The following HOMER2 variants were observed in gnomAD, a reference collection of about 807,000 sequenced individuals.
HOMER2 encodes the protein homer protein homolog 2.
HOMER2 carries 27 observed loss-of-function variants against 47.0 expected under a neutral mutation model. The ratio of observed to expected loss-of-function variants is 0.57; its 90% CI spans 0.42 to 0.79. The LOEUF is 0.79. Among genes scored for constraint, HOMER2 ranks in the 30% least tolerant of loss-of-function variants. The pLI is 0.00. For missense variants in HOMER2, 443 were observed against 435.0 expected (o/e 1.02, Z -0.16); for synonymous variants, 161 against 163.8 (o/e 0.98, Z 0.13).
chr15:82,854,881 C>A, intron 5 of HOMER2, 81 bp from the exon 6 acceptor site: 1 of 1,512,850 alleles, frequency 6.6e-7, no homozygotes, highest in Non-Finnish European at 9.0e-7. Flanking sequence ...GGGACTCCGC[C>A]ATCCCTCAGC....
At chr15:82,943,451 A>C (rs1392196294) in intron 1 of HOMER2, among the ~76,000 whole-genome samples, 1 of 152,160 alleles carries the variant, frequency 6.6e-6, no homozygotes, top group Middle Eastern at 3.2e-3. Context: ...TGCCACCTCC[A>C]CTGGGAGCTC....
chr15:82,882,637 C>T (rs1260073620), intron 2 of HOMER2, among the ~76,000 whole-genome samples: 1 of 152,212 alleles, frequency 6.6e-6, no homozygotes, highest in Non-Finnish European at 1.5e-5. Context: ...ATGAGTAGCA[C>T]CAACTGCTTC....
chr15:82,863,298 A>G (rs950318623), intron 4 of HOMER2, among the ~76,000 whole-genome samples: 4 of 152,112 alleles, frequency 2.6e-5, no homozygotes, highest in African/African-American at 4.8e-5. Flanking sequence ...AAGCAAGCCA[A>G]CCCTCTCAGG....
chr15:82,849,778 G>A lies in HOMER2; in HGVS notation c.969C>T (p.Asp323=), dbSNP rs758410534. The A allele has an allele frequency of 5.3e-5, 85 of 1,613,826 alleles. No homozygotes were observed. Among genetic ancestry groups the A allele is most frequent in the Middle Eastern group, 4.9e-4 (3 of 6,084 alleles). ...AGTCATGCAGGTCGTCAATCTTCCC[G>A]TCCAGCACCTCCAGGAAGCTCTTCA... The part of the protein sequence containing the change: ...VELKSFLEVL[D]GKIDDLHDFR... The change falls in exon 9 of 9, where the codon GAC becomes GAT. Residue 323 remains aspartate (D), a synonymous_variant. Coordinates refer to ENST00000450735, the MANE Select transcript of HOMER2 (RefSeq NM_004839.4).
At chr15:82,930,148 G>A (rs1274843344) in intron 1 of HOMER2, among the ~76,000 whole-genome samples, 2 of 152,182 alleles carry the variant, frequency 1.3e-5, no homozygotes, top group African/African-American at 4.8e-5. Flanking sequence ...GACCCTCTGG[G>A]TGACTTCCCT....
chr15:82,960,734 G>A (rs1229936857), intron 1 of HOMER2, among the ~76,000 whole-genome samples: 1 of 152,070 alleles, frequency 6.6e-6, no homozygotes, highest in East Asian at 1.9e-4. Context: ...AGCTTATCAG[G>A]CACCCGGCTC....
intron 1 of HOMER2, among the ~76,000 whole-genome samples, chr15:82,979,294 G>C (rs144819136): frequency 4.4e-4 from 67 of 152,288 alleles, no homozygotes; most frequent in African/African-American, 1.5e-3. Flanking sequence ...AGACAGAGTT[G>C]AATCTCGATC....
chr15:82,981,834 C>T (rs187064676), intron 1 of HOMER2, among the ~76,000 whole-genome samples: 28 of 152,054 alleles, frequency 1.8e-4, no homozygotes, highest in Non-Finnish European at 3.4e-4. Flanking sequence ...ATGGTGGTTG[C>T]TAGGGGCAGA....
chr15:82,955,262 T>C (rs982417146), upstream of HOMER2, among the ~76,000 whole-genome samples: 3 of 149,738 alleles, frequency 2.0e-5, no homozygotes, highest in Non-Finnish European at 4.5e-5. Flanking sequence ...TTCTGCCTCC[T>C]GGGTTCATGC....
intron 8 of HOMER2, 136 bp downstream of exon 8, chr15:82,851,015 C>T (rs2051373826): frequency 1.5e-6 from 1 of 675,894 alleles, no homozygotes; most frequent in East Asian, 2.7e-5. Context: ...CGTGCAGTCA[C>T]TGCCAGCTTT....
chr15:82,939,619 G>A (rs1357492717), intron 1 of HOMER2, among the ~76,000 whole-genome samples: 1 of 152,098 alleles, frequency 6.6e-6, no homozygotes, highest in South Asian at 2.1e-4. Flanking sequence ...TCAGTGAGCC[G>A]AGACTGCACC....
intron 1 of HOMER2, among the ~76,000 whole-genome samples, chr15:82,962,169 G>C (rs1012816470): frequency 4.7e-5 from 7 of 150,268 alleles, no homozygotes; most frequent in Non-Finnish European, 8.9e-5. Flanking sequence ...AGGAGATCGA[G>C]ACCATCCTGG....
At position 82,974,348 on chromosome 15, in the gene HOMER2, G is replaced by A. The variant is rs375693859; in HGVS notation, n.82+11439C>T. On this transcript the variant is annotated intron_variant and non_coding_transcript_variant, in intron 1 of 1. Coordinates refer to the HOMER2 transcript ENST00000500334. ...GAACCCGGGAGGTGGAGGTTGCAGT[G>A]AGCCGAGATCGCGCCATTGCACTCC... Among the ~76,000 whole-genome samples the A allele has an allele frequency of 4.6e-5, 7 of 151,510 alleles. No homozygotes were observed. In the East Asian group the frequency reaches 5.8e-4, roughly 13 times the overall value.
rs1235713327 is a variant in HOMER2, at chr15:82,888,867, G to A, written c.162+3818C>T. The stretch of plus-strand genomic sequence containing the variant: ...AATCACCGTCTTCTGCGTCGCTCAC[G>A]CTGGGAGCTGTAGACCGGAGCTGTT... On this transcript the variant is annotated intron_variant, in intron 2 of 8. Transcript: ENST00000450735. 1.4e-5 allele frequency among the ~76,000 whole-genome samples: 2 copies of A among 141,126 alleles called. 1 individual carries two copies. Among genetic ancestry groups the A allele is most frequent in the Non-Finnish European group, 3.1e-5 (2 of 65,202 alleles). 92.6% of individuals were successfully genotyped at this position (141,126 alleles called of 152,430 possible). A position where few individuals can be genotyped will look rare whatever the true frequency, so the allele number is the denominator to read the frequency against.
Position 82,854,666 on chromosome 15 carries a change from T to C in HOMER2, c.629A>G (p.Glu210Gly). 4.3e-6 allele frequency: 7 copies of C among 1,612,856 alleles called. No individual in the cohort carries two copies. Among genetic ancestry groups the C allele is most frequent in the Non-Finnish European group, 4.2e-6 (5 of 1,179,718 alleles). ...CACCTTGTTGCGGAGCCGGTCATTC[T>C]CATCACGGCAGATGGAGAACTGCCT... ...WKRQFSICRDENDRLRNKIDE... is the reference protein window; with the variant it reads ...WKRQFSICRDGNDRLRNKIDE... The change falls in exon 6 of 9, where the codon GAG becomes GGG. Residue 210 changes from glutamate to glycine, a missense_variant. Physicochemically the swap from Glu to Gly is moderately conservative, Grantham distance 98 (BLOSUM62 -2). Transcript: ENST00000450735.
chr15:82,859,293 A>G (rs1240541206), intron 4 of HOMER2, 158 bp from the exon 5 acceptor site: 3 of 960,094 alleles, frequency 3.1e-6, no homozygotes, highest in African/African-American at 4.6e-5. Flanking sequence ...AGCAAAGACT[A>G]ACAAGTTTTT....
At chr15:82,839,691 C>G (rs1197231002) in exon 2 of HOMER2, 1 of 151,966 alleles carries the variant, frequency 6.6e-6, no homozygotes, top group Non-Finnish European at 1.5e-5. Context: ...ACAAAAGAAA[C>G]AGACAGAAAT....
chr15:82,926,200 A>G (rs1323115178), intron 1 of HOMER2: 1 of 152,240 alleles, frequency 6.6e-6, no homozygotes, highest in Non-Finnish European at 1.5e-5. Context: ...ACAGAAATTT[A>G]TTTCTCACAG....
intron 1 of HOMER2, among the ~76,000 whole-genome samples, chr15:82,939,455 C>T (rs2054213585): frequency 6.6e-6 from 1 of 152,078 alleles, no homozygotes; most frequent in Non-Finnish European, 1.5e-5. Flanking sequence ...TCACTTGTGG[C>T]TAGAAGTTCG....
Sources: allele counts gnomAD v4.1 joint callset (sites outside exome capture counted in the v4.1 genomes callset), GRCh38; gene constraint gnomAD v4.1.1; transcripts MANE v1.5; gene names NCBI Gene and HGNC (gene_info 2026-07-23, HGNC 2026-07-21).